Variants in MTHFD2L observed in about 807,000 individuals in gnomAD.
MTHFD2L encodes methylenetetrahydrofolate dehydrogenase (NADP+ dependent) 2 like, also known as bifunctional methylenetetrahydrofolate dehydrogenase/cyclohydrolase 2, mitochondrial.
MTHFD2L carries 29 observed loss-of-function variants against 34.9 expected under a neutral mutation model. The ratio of observed to expected loss-of-function variants is 0.83; its 90% CI spans 0.62 to 1.13. The LOEUF is 1.13. MTHFD2L is among the 50% of genes most tolerant of loss of function. The probability of loss-of-function intolerance (pLI) is 0.00; values close to 1 mark genes in which losing one functional copy is unlikely to be tolerated. For missense variants in MTHFD2L, 481 were observed against 446.5 expected (o/e 1.08, Z -0.70); for synonymous variants, 167 against 155.7 (o/e 1.07, Z -0.54).
At chr4:74,249,451 T>G (rs1469267230) in intron 6 of MTHFD2L, among the ~76,000 whole-genome samples, 3 of 152,210 alleles carry the variant, frequency 2.0e-5, no homozygotes, top group African/African-American at 7.2e-5. Flanking sequence ...CCAGTCTGTG[T>G]CTTTTAGTTG....
intron 5 of MTHFD2L, among the ~76,000 whole-genome samples, chr4:74,221,560 A>G (rs143453838): frequency 3.6e-4 from 54 of 151,744 alleles, no homozygotes; most frequent in Non-Finnish European, 5.9e-4. Context: ...AGAAAGCATT[A>G]TTTTCTGGCA....
chr4:74,119,014 C>A (rs559124495), upstream of MTHFD2L, among the ~76,000 whole-genome samples: 15 of 152,278 alleles, frequency 9.9e-5, no homozygotes, highest in African/African-American at 3.6e-4. Context: ...TTAACATTAG[C>A]AGAGAGGTTT....
In MTHFD2L at chr4:74,174,676, C is replaced by T; in HGVS notation, c.314C>T (p.Ala105Val). The T allele has an allele frequency of 6.5e-7, 1 of 1,538,512 alleles. No homozygotes were observed. The highest frequency in any genetic ancestry group is 8.7e-7 in the Non-Finnish European group (1 of 1,144,300). Residue 105 changes from alanine (A) to valine (V), a missense_variant, in exon 2 of 8, where the codon GCT becomes GTT. Ala to Val is a moderately conservative substitution (Grantham distance 64). Coordinates refer to ENST00000325278, the MANE Select transcript of MTHFD2L (RefSeq NM_001144978.3). ...ACATATGTCAGGAATAAGATAAGAGCTGCCTCTGCTGTAGGTGGGTGTGTG... is the reference window on the plus strand; with the variant it reads ...ACATATGTCAGGAATAAGATAAGAGTTGCCTCTGCTGTAGGTGGGTGTGTG... ...SHTYVRNKIR[A>V]ASAVGICSEL...
chr4:74,269,056 T>TAGA (rs1745644250), intron 6 of MTHFD2L, among the ~76,000 whole-genome samples: 1 of 152,216 alleles, frequency 6.6e-6, no homozygotes, highest in Non-Finnish European at 1.5e-5. Flanking sequence ...TGAATCTATA[T>TAGA]AGATGATCCA....
intron 7 of MTHFD2L, among the ~76,000 whole-genome samples, chr4:74,290,815 C>T (rs1748799275): frequency 6.6e-6 from 1 of 151,826 alleles, no homozygotes; most frequent in Non-Finnish European, 1.5e-5. Flanking sequence ...TTGCCCAACT[C>T]TCATATGAAT....
intron 7 of MTHFD2L, among the ~76,000 whole-genome samples, chr4:74,295,174 C>G (rs1282999387): frequency 6.6e-6 from 1 of 152,088 alleles, no homozygotes; most frequent in Non-Finnish European, 1.5e-5. Context: ...CCCCATATAG[C>G]CCATGATCAC....
intron 1 of MTHFD2L, among the ~76,000 whole-genome samples, chr4:74,169,659 C>T (rs554183): frequency 0.99 from 150,906 of 152,308 alleles, 74,774 homozygotes; most frequent in Middle Eastern, 1. Flanking sequence ...TTGCTACTAC[C>T]TATAAATGAG....
intron 7 of MTHFD2L, among the ~76,000 whole-genome samples, chr4:74,296,063 G>GCTTGTC (rs1749593752): frequency 6.6e-6 from 1 of 152,138 alleles, no homozygotes; most frequent in African/African-American, 2.4e-5. Flanking sequence ...CCATGAGGCA[G>GCTTGTC]TATCTATGTC....
At chr4:74,187,800 T>TACACACAC (rs61173269) in intron 3 of MTHFD2L, among the ~76,000 whole-genome samples, 2,106 of 144,326 alleles carry the variant, frequency 0.015, 61 homozygotes, top group African/African-American at 0.049. Flanking sequence ...CCTGTGTATT[T>TACACACAC]ACACACACAC....
intron 1 of MTHFD2L, among the ~76,000 whole-genome samples, chr4:74,126,791 A>G (rs1722109008): frequency 6.6e-6 from 1 of 152,102 alleles, no homozygotes; most frequent in Non-Finnish European, 1.5e-5. Context: ...TTTCATTAAT[A>G]CATAATAGAT....
At chr4:74,186,469 G>T (rs1007466966) in intron 3 of MTHFD2L, among the ~76,000 whole-genome samples, 4 of 134,090 alleles carry the variant, frequency 3.0e-5, no homozygotes, top group African/African-American at 8.2e-5. Context: ...ACAGCTACTA[G>T]TACTAATAAG....
intron 6 of MTHFD2L, among the ~76,000 whole-genome samples, chr4:74,266,658 C>G (rs965884845): frequency 1.3e-5 from 2 of 152,212 alleles, no homozygotes; most frequent in Middle Eastern, 3.4e-3. Flanking sequence ...CGAACTCAAC[C>G]CTTCCATTTT....
At chr4:74,202,059 G>A (rs1192796904) in intron 5 of MTHFD2L, among the ~76,000 whole-genome samples, 1 of 152,214 alleles carries the variant, frequency 6.6e-6, no homozygotes, top group Non-Finnish European at 1.5e-5. Context: ...CAGATATTCT[G>A]CTTTACCAGT....
chr4:74,271,929 G>C (rs937470629), intron 6 of MTHFD2L, among the ~76,000 whole-genome samples: 1 of 152,228 alleles, frequency 6.6e-6, no homozygotes, highest in African/African-American at 2.4e-5. Context: ...TCTCTTTGAA[G>C]TATAGCTAGT....
In MTHFD2L at chr4:74,150,847, A is replaced by G. The variant is rs148395980; in HGVS notation, c.-296-9208A>G. 3.2e-3 allele frequency among the ~76,000 whole-genome samples: 482 copies of G among 152,186 alleles called. 4 individuals are homozygous for G. Among genetic ancestry groups the G allele is most frequent in the African/African-American group, 0.011 (446 of 41,558 alleles). On this transcript the variant is annotated intron_variant, in intron 1 of 7. Transcript: ENST00000433372. ...AAAACTAAACAAGGATAGGAGTAGC[A>G]ATGTCTAACAATTACCATGGAAAAC... is the stretch of plus-strand genomic sequence containing the variant.
At chr4:74,246,973 G>A (rs1229750869) in intron 6 of MTHFD2L, among the ~76,000 whole-genome samples, 1 of 151,736 alleles carries the variant, frequency 6.6e-6, no homozygotes, top group African/African-American at 2.4e-5. Flanking sequence ...CTCTTTTTTG[G>A]TTCCATATGA....
chr4:74,225,199 C>A (rs1199312641), intron 5 of MTHFD2L, 103 bp from the exon 6 acceptor site: 1 of 874,034 alleles, frequency 1.1e-6, no homozygotes. Context: ...GTCAAAGTAG[C>A]CTTTCTATTC....
intron 6 of MTHFD2L, among the ~76,000 whole-genome samples, chr4:74,273,241 C>G (rs1306389299): frequency 6.6e-6 from 1 of 151,916 alleles, no homozygotes; most frequent in Non-Finnish European, 1.5e-5. Flanking sequence ...TTTTTCTGTT[C>G]TGACAGGGGC....
upstream of MTHFD2L, among the ~76,000 whole-genome samples, chr4:74,123,614 T>C (rs1307792558): frequency 1.3e-5 from 2 of 152,194 alleles, no homozygotes; most frequent in African/African-American, 4.8e-5. Context: ...TGTGGGACTC[T>C]TCAGCCATCA....
Sources: gnomAD v4.1 joint callset for allele counts (sites outside exome capture counted in the v4.1 genomes callset) on GRCh38, gnomAD v4.1.1 for gene constraint, MANE v1.5 for transcripts, NCBI Gene and HGNC (gene_info 2026-07-23, HGNC 2026-07-21) for gene names.